Variants in RFC1 observed in about 807,000 individuals in gnomAD.
RFC1 encodes the protein replication factor C subunit 1, also known as A1 140 kDa subunit.
Under a neutral mutation model 137.4 loss-of-function variants are expected in RFC1, and 37 were observed. The ratio of observed to expected loss-of-function variants is 0.27; its 90% CI spans 0.21 to 0.35. The LOEUF is 0.35. Ranked by LOEUF, RFC1 falls within the 10% of genes least tolerant of loss-of-function variation. The probability of loss-of-function intolerance (pLI) is 1.00; values close to 1 mark genes in which losing one functional copy is unlikely to be tolerated. For synonymous variants in RFC1, 429 were observed against 455.7 expected, an observed-to-expected ratio of 0.94 and a Z score of 0.75; for missense variants, 1,205 against 1,358.5, an observed-to-expected ratio of 0.89 and a Z score of 1.78.
chr4:39,345,338 G>A (rs1237617587), intron 3 of RFC1, 63 bp downstream of exon 3: 53 of 1,371,354 alleles, frequency 3.9e-5, no homozygotes, highest in South Asian at 7.2e-5. Context: ...ATAGTTTAAA[G>A]CACTGTTCTA....
chr4:39,300,209 C>T (rs924142779), intron 20 of RFC1, 51 bp downstream of exon 20: 2 of 1,611,842 alleles, frequency 1.2e-6, no homozygotes, highest in Non-Finnish European at 1.7e-6. Flanking sequence ...GGTATTTAGC[C>T]TTCGCAGTGC....
chr4:39,324,383 A>T (rs1739660533), intron 6 of RFC1, among the ~76,000 whole-genome samples: 1 of 152,200 alleles, frequency 6.6e-6, no homozygotes, highest in Admixed American at 6.5e-5. Flanking sequence ...TTGTGATACA[A>T]AGTACCACAC....
At chr4:39,300,170 C>T in intron 20 of RFC1, 32 bp from the exon 21 acceptor site, 1 of 1,609,686 alleles carries the variant, frequency 6.2e-7, no homozygotes, top group Non-Finnish European at 8.5e-7. Flanking sequence ...GATTATCCCA[C>T]TCTCCACACC....
In RFC1 at chr4:39,288,537, G is replaced by C. The variant is rs1737493544; in HGVS notation, c.*224C>G. 2.4e-6 allele frequency: 1 copy of C among 423,508 alleles called. No individual in the cohort carries two copies. Among genetic ancestry groups the C allele is most frequent in the African/African-American group, 2.0e-5 (1 of 48,970 alleles). 26.2% of individuals were successfully genotyped at this position (423,508 alleles called of 1,614,324 possible). A position where few individuals can be genotyped will look rare whatever the true frequency, so the allele number is the denominator to read the frequency against. Reference sequence around the variant, plus strand: ...AAGCACGTCTAACTAGATTGACAGAGGACAGTGGAGGACCCAAGCAGTCCT... The same window carrying C: ...AAGCACGTCTAACTAGATTGACAGACGACAGTGGAGGACCCAAGCAGTCCT... On this transcript the variant is annotated 3_prime_UTR_variant, in exon 25 of 25. Coordinates refer to ENST00000349703, the MANE Select transcript of RFC1 (RefSeq NM_002913.5).
intron 2 of RFC1, among the ~76,000 whole-genome samples, chr4:39,349,955 G>T (rs1292072327): frequency 1.3e-5 from 2 of 152,302 alleles, no homozygotes; most frequent in East Asian, 3.9e-4. Context: ...GGTGAGCCGA[G>T]ATCGTGCCAT....
chr4:39,293,223 T>C (rs1414851933), intron 22 of RFC1, among the ~76,000 whole-genome samples: 1 of 152,194 alleles, frequency 6.6e-6, no homozygotes, highest in African/African-American at 2.4e-5. Context: ...AAGGAAGCAG[T>C]GTGAGTCCCT....
chr4:39,306,617 G>T lies in RFC1; in HGVS notation c.1970C>A (p.Thr657Asn), dbSNP rs749270095. The change falls in exon 14 of 25, where the codon ACC (threonine) becomes AAC (asparagine). Residue 657 changes from threonine to asparagine, a missense_variant. Physicochemically the swap from Thr to Asn is moderately conservative, Grantham distance 65 (BLOSUM62 0). Transcript: ENST00000349703. Reference sequence around the variant, plus strand: ...CTGACACACCAGGGAAGCTGTGGTGGTTTTGCCAACACCAGGAGGGCCTGA... The same window carrying T: ...CTGACACACCAGGGAAGCTGTGGTGTTTTTGCCAACACCAGGAGGGCCTGA... ...LLSGPPGVGKTTTASLVCQEL... is the reference protein window; with the variant it reads ...LLSGPPGVGKNTTASLVCQEL... 5 of 1,609,864 alleles carry T rather than the reference G, an allele frequency of 3.1e-6. No homozygotes were observed. The highest frequency in any genetic ancestry group is 3.4e-6 in the Non-Finnish European group (4 of 1,176,098).
chr4:39,361,789 C>T (rs1488670665), intron 1 of RFC1, among the ~76,000 whole-genome samples: 1 of 152,220 alleles, frequency 6.6e-6, no homozygotes, highest in Non-Finnish European at 1.5e-5. Context: ...TGGCTCACGC[C>T]TGTAATCCCA....
At chr4:39,341,385 A>C in intron 4 of RFC1, 1 of 347,434 alleles carries the variant, frequency 2.9e-6, no homozygotes, top group Non-Finnish European at 5.7e-6. Flanking sequence ...GCAGATATTT[A>C]GCAACAGCAC....
intron 1 of RFC1, among the ~76,000 whole-genome samples, chr4:39,360,813 G>GT (rs374603402): frequency 3.9e-4 from 59 of 152,234 alleles, no homozygotes; most frequent in African/African-American, 1.3e-3. Flanking sequence ...TGCAAAATAA[G>GT]TACCGCAGTA....
rs1737458373 is a variant in RFC1 at position 39,287,882 on chromosome 4, G to A, written c.*879C>T. 6.6e-6 allele frequency: 1 copy of A among 152,184 alleles called. No individual in the cohort carries two copies. The highest frequency in any genetic ancestry group is 2.4e-5 in the African/African-American group (1 of 41,444). The allele number at this position is 152,184 out of a possible 1,614,324, so 9.4% of individuals were successfully genotyped here. ...TGAAATTAAGAGCCTGACCCAGCCT[G>A]GTTCCTACTGGTCTGAACCTGATGG... On this transcript the variant is annotated 3_prime_UTR_variant, in exon 25 of 25. Transcript: ENST00000349703.
At chr4:39,290,862 C>T (rs1400434182) in intron 23 of RFC1, among the ~76,000 whole-genome samples, 1 of 151,710 alleles carries the variant, frequency 6.6e-6, no homozygotes, top group Non-Finnish European at 1.5e-5. Context: ...ATAAGTTGGC[C>T]TTTAATTTCC....
At chr4:39,323,248 T>C in intron 7 of RFC1, 92 bp downstream of exon 7, 1 of 807,204 alleles carries the variant, frequency 1.2e-6, no homozygotes, top group Non-Finnish European at 1.9e-6. Flanking sequence ...CTGGAAAAGT[T>C]ATTCATGTTT....
At position 39,295,772 on chromosome 4, in the gene RFC1, C is replaced by T. The variant is rs199859014; in HGVS notation, c.2809-13G>A. On this transcript the variant is annotated splice_polypyrimidine_tract_variant and intron_variant, in intron 21 of 24. Transcript: ENST00000349703. ...TGGCATAAATGGCCTGAAAAAAAAT[C>T]AATTGCAGTCCAGAATTTATGTTCC... 55 of 1,606,100 alleles carry T rather than the reference C, an allele frequency of 3.4e-5. No individual in the cohort carries two copies. In the South Asian group the frequency reaches 4.2e-4, roughly 12 times the overall value.
Position 39,366,243 on chromosome 4 carries a change from G to T in RFC1, c.-2C>A. ...CGGCCTCCCCCAGCGGCTCACCATC[G>T]CAGCCCCAGGATGAAGGCGCTGGCT... On this transcript the variant is annotated 5_prime_UTR_variant, in exon 1 of 25. Coordinates refer to ENST00000349703, the MANE Select transcript of RFC1 (RefSeq NM_002913.5). 6.5e-7 allele frequency: 1 copy of T among 1,548,246 alleles called. No individual in the cohort carries two copies. The highest frequency in any genetic ancestry group is 2.5e-5 in the East Asian group (1 of 40,418).
At position 39,341,429 on chromosome 4, in the gene RFC1, T is replaced by C. The variant is rs1037000410; in HGVS notation, c.331+916A>G. The C allele has an allele frequency of 9.2e-5, 33 of 359,536 alleles. 1 individual carries two copies. Among genetic ancestry groups the C allele is most frequent in the South Asian group, 7.1e-4 (33 of 46,628 alleles). 22.3% of individuals were successfully genotyped at this position (359,536 alleles called of 1,614,324 possible). A position where few individuals can be genotyped will look rare whatever the true frequency, so the allele number is the denominator to read the frequency against. ...TAAGAGTCAATCAGCCACCTGCCCA[T>C]AACAAAGAAACGTCTGTTTGGTAAA... is the stretch of plus-strand genomic sequence containing the variant. On this transcript the variant is annotated intron_variant, in intron 4 of 24. Coordinates refer to ENST00000349703, the MANE Select transcript of RFC1 (RefSeq NM_002913.5).
At chr4:39,356,754 ATTTAT>A (rs936168583) in intron 1 of RFC1, among the ~76,000 whole-genome samples, 5 of 152,236 alleles carry the variant, frequency 3.3e-5, no homozygotes, top group African/African-American at 1.2e-4. Context: ...CTTCTTTAAA[ATTTAT>A]TTTAAGTCAA....
At chr4:39,339,509 T>C (rs1168464706) in intron 4 of RFC1, among the ~76,000 whole-genome samples, 1 of 152,186 alleles carries the variant, frequency 6.6e-6, no homozygotes, top group Non-Finnish European at 1.5e-5. Context: ...TTAAGCACTT[T>C]TTCATATACC....
intron 3 of RFC1, among the ~76,000 whole-genome samples, chr4:39,344,170 C>G (rs1442617998): frequency 6.6e-6 from 1 of 151,392 alleles, no homozygotes; most frequent in Non-Finnish European, 1.5e-5. Context: ...AGAATTAATA[C>G]AGCAGATCTT....
Sources: allele counts gnomAD v4.1 joint callset (sites outside exome capture counted in the v4.1 genomes callset), GRCh38; gene constraint gnomAD v4.1.1; transcripts MANE v1.5; gene names NCBI Gene and HGNC (gene_info 2026-07-23, HGNC 2026-07-21).